ATP1B3: variants seen among roughly 807,000 people sequenced by gnomAD.
The protein encoded by ATP1B3 is sodium/potassium-transporting ATPase subunit beta-3.
A neutral mutation model predicts 30.2 loss-of-function variants in ATP1B3; 10 were observed. The ratio of observed to expected loss-of-function variants is 0.33; its 90% confidence interval spans 0.20 to 0.56. The LOEUF is 0.56. Among genes scored for constraint, ATP1B3 ranks in the 20% least tolerant of loss-of-function variants. The probability of loss-of-function intolerance (pLI) is 0.90; values close to 1 mark genes in which losing one functional copy is unlikely to be tolerated. For synonymous variants in ATP1B3, 113 were observed against 117.0 expected, an observed-to-expected ratio of 0.97 and a Z score of 0.22; for missense variants, 238 against 336.7, an observed-to-expected ratio of 0.71 and a Z score of 2.29.
chr3:141,919,223 T>C (rs1398334678), intron 5 of ATP1B3, among the ~76,000 whole-genome samples: 2 of 152,164 alleles, frequency 1.3e-5, no homozygotes, highest in Non-Finnish European at 2.9e-5. Flanking sequence ...TGATTGTTTT[T>C]ATACAAGTTA....
chr3:141,898,291 A>G (rs1360291748), intron 1 of ATP1B3, among the ~76,000 whole-genome samples: 1 of 152,222 alleles, frequency 6.6e-6, no homozygotes, highest in African/African-American at 2.4e-5. Context: ...TTTTGCTTAA[A>G]TAACATTATT....
intron 2 of ATP1B3, among the ~76,000 whole-genome samples, chr3:141,905,283 G>A (rs1934242548): frequency 6.6e-6 from 1 of 152,102 alleles, no homozygotes; most frequent in East Asian, 1.9e-4. Flanking sequence ...TAGAGCAGTG[G>A]TTTTCAACCA....
At position 141,890,103 on chromosome 3, in the gene ATP1B3, T is replaced by C. The variant is rs1406285677; in HGVS notation, c.109+13193T>C. Among the ~76,000 whole-genome samples the C allele has an allele frequency of 3.5e-5, 5 of 141,752 alleles. No individual in the cohort carries two copies. In the East Asian group the frequency reaches 8.0e-4, roughly 23 times the overall value. The allele number at this position is 141,752 out of a possible 152,430, so 93.0% of individuals were successfully genotyped here. A position where few individuals can be genotyped will look rare whatever the true frequency, so the allele number is the denominator to read the frequency against. ...TTTTTTTTCTTTTTTTTTTTTTTTTTTTTTTGAGACAGAGTGTGGCTCGGT... is the reference window on the plus strand; with the variant it reads ...TTTTTTTTCTTTTTTTTTTTTTTTTCTTTTTGAGACAGAGTGTGGCTCGGT... On this transcript the variant is annotated intron_variant, in intron 1 of 6. Transcript: ENST00000286371.
At position 141,876,796 on chromosome 3, in the gene ATP1B3, C is replaced by G. The variant is rs375615647; in HGVS notation, c.-6C>G. 871 of 1,588,274 alleles carry G rather than the reference C, an allele frequency of 5.5e-4. 4 individuals carry two copies. The African/African-American group carries it at 0.011, about 20-fold the overall frequency. ...CGCAGCTCCTCTCGCCGTCCGCGCGCACACCATGACGAAGAACGAGAAGAA... is the reference window on the plus strand; with the variant it reads ...CGCAGCTCCTCTCGCCGTCCGCGCGGACACCATGACGAAGAACGAGAAGAA... On this transcript the variant is annotated 5_prime_UTR_variant, in exon 1 of 7. Transcript: ENST00000286371.
At chr3:141,877,245 G>C (rs930446090) in intron 1 of ATP1B3, among the ~76,000 whole-genome samples, 8 of 151,944 alleles carry the variant, frequency 5.3e-5, no homozygotes, top group African/African-American at 1.9e-4. Context: ...CCGAAGCCGG[G>C]CCCCGAGAGT....
intron 1 of ATP1B3, chr3:141,901,996 G>A (rs1478850221): frequency 4.7e-5 from 24 of 513,042 alleles, no homozygotes; most frequent in South Asian, 2.8e-4. Flanking sequence ...TTATCCCTTC[G>A]TTCCTGCAGA....
intron 1 of ATP1B3, chr3:141,877,474 G>C (rs1397977414): frequency 1.3e-5 from 2 of 152,274 alleles, no homozygotes; most frequent in African/African-American, 4.8e-5. Flanking sequence ...GGTGTGGGTT[G>C]CTTAAACGTG....
chr3:141,922,278 A>T, intron 6 of ATP1B3: 1 of 380,156 alleles, frequency 2.6e-6, no homozygotes, highest in Non-Finnish European at 4.8e-6. Flanking sequence ...AAGTTAGATG[A>T]TTATTTCTAA....
chr3:141,896,250 C>T (rs1196378954), intron 1 of ATP1B3, among the ~76,000 whole-genome samples: 1 of 151,714 alleles, frequency 6.6e-6, no homozygotes, highest in East Asian at 1.9e-4. Flanking sequence ...AGGAGGATCA[C>T]TTGAAGTCAG....
chr3:141,916,086 T>C lies in ATP1B3; in HGVS notation c.582+66T>C, dbSNP rs1934457059. On this transcript the variant is annotated intron_variant, in intron 5 of 6. Coordinates refer to ENST00000286371, the MANE Select transcript of ATP1B3 (RefSeq NM_001679.4). The stretch of plus-strand genomic sequence containing the variant: ...TTCTTAAAATACTTTAAAAGTCTAA[T>C]GATTTAGTCATCTTTTTTTTCTTCC... 7.1e-6 allele frequency: 10 copies of C among 1,412,822 alleles called. No individual in the cohort carries two copies. The Admixed American group carries it at 7.9e-5, about 11-fold the overall frequency. The allele number at this position is 1,412,822 out of a possible 1,614,324, so 87.5% of individuals were successfully genotyped here. A position where few individuals can be genotyped will look rare whatever the true frequency, so the allele number is the denominator to read the frequency against.
intron 6 of ATP1B3, among the ~76,000 whole-genome samples, chr3:141,923,904 C>CA (rs1349213256): frequency 6.6e-6 from 1 of 152,188 alleles, no homozygotes; most frequent in East Asian, 1.9e-4. Context: ...GTTGAGTTCT[C>CA]AGAGTGTCAG....
intron 6 of ATP1B3, among the ~76,000 whole-genome samples, chr3:141,923,753 C>T (rs1190161598): frequency 1.3e-5 from 2 of 152,190 alleles, no homozygotes; most frequent in Admixed American, 6.5e-5. Context: ...AATATTTCCT[C>T]AGTCTGTTTC....
intron 1 of ATP1B3, among the ~76,000 whole-genome samples, chr3:141,881,469 C>T (rs1933725019): frequency 6.6e-6 from 1 of 152,136 alleles, no homozygotes; most frequent in Non-Finnish European, 1.5e-5. Context: ...TCAGTCACTT[C>T]TGGGTCATGG....
chr3:141,902,236 G>T (rs759831935), intron 1 of ATP1B3: 18 of 1,280,932 alleles, frequency 1.4e-5, no homozygotes, highest in South Asian at 2.5e-5. Flanking sequence ...TGGTAATTGG[G>T]GGGGAGGGGT....
At chr3:141,907,319 A>G in intron 3 of ATP1B3, 45 bp downstream of exon 3, 1 of 1,521,756 alleles carries the variant, frequency 6.6e-7, no homozygotes, top group Non-Finnish European at 9.0e-7. Context: ...TTAGTTATAG[A>G]AATTAGTACC....
rs923503112 is a variant in ATP1B3, at chr3:141,925,961, TG to T, written c.*265del. On this transcript the variant is annotated 3_prime_UTR_variant, in exon 7 of 7. Coordinates refer to ENST00000286371, the MANE Select transcript of ATP1B3 (RefSeq NM_001679.4). ...AACACCTGATTCCAAACATGTAGGATGGGGGTCTTGTCCTCTTTTTATGTGG... is the reference window on the plus strand; with the variant it reads ...AACACCTGATTCCAAACATGTAGGATGGGGTCTTGTCCTCTTTTTATGTGG... 3.0e-5 allele frequency: 12 copies of T among 404,180 alleles called. No homozygotes were observed. The highest frequency in any genetic ancestry group is 4.8e-5 in the Non-Finnish European group (11 of 228,592). The allele number at this position is 404,180 out of a possible 1,614,324, so 25.0% of individuals were successfully genotyped here.
intron 1 of ATP1B3, among the ~76,000 whole-genome samples, chr3:141,893,210 T>C (rs1322071497): frequency 6.6e-6 from 1 of 152,168 alleles, no homozygotes; most frequent in Non-Finnish European, 1.5e-5. Context: ...GGTTTCACCA[T>C]GTTGGCCAAG....
chr3:141,921,760 G>A (rs988476242), intron 5 of ATP1B3: 4 of 368,280 alleles, frequency 1.1e-5, no homozygotes, highest in Non-Finnish European at 2.0e-5. Context: ...GGAAGTGTAA[G>A]TATCAGGATA....
chr3:141,908,386 C>T (rs1044469070), intron 3 of ATP1B3, among the ~76,000 whole-genome samples: 2 of 152,182 alleles, frequency 1.3e-5, no homozygotes, highest in Admixed American at 6.5e-5. Context: ...TCCTCAGCCA[C>T]AGACACCTGC....
Sources: gnomAD v4.1 joint callset for allele counts (sites outside exome capture counted in the v4.1 genomes callset) on GRCh38, gnomAD v4.1.1 for gene constraint, MANE v1.5 for transcripts, NCBI Gene and HGNC (gene_info 2026-07-23, HGNC 2026-07-21) for gene names.